The following PVR variants were observed in gnomAD, a reference collection of about 807,000 sequenced individuals.
PVR encodes the protein poliovirus receptor.
In PVR, 39 loss-of-function variants were observed where a neutral mutation model predicts 43.3. The ratio of observed to expected loss-of-function variants is 0.90; its 90% CI spans 0.70 to 1.18. PVR has a LOEUF of 1.18. PVR is among the 50% of genes most tolerant of loss of function. PVR has a pLI of 0.00. For missense variants in PVR, 480 were observed against 549.7 expected (o/e 0.87, Z 1.27); for synonymous variants, 224 against 233.2 (o/e 0.96, Z 0.36).
chr19:44,653,488 A>G (rs1316506759), intron 3 of PVR, among the ~76,000 whole-genome samples: 3 of 152,214 alleles, frequency 2.0e-5, no homozygotes, highest in Non-Finnish European at 4.4e-5. Flanking sequence ...TCAATCACGT[A>G]TGGGATGGCT....
At chr19:44,653,861 G>A (rs764526184) in intron 3 of PVR, 39 bp from the exon 4 acceptor site, 2 of 1,446,732 alleles carry the variant, frequency 1.4e-6, no homozygotes, top group South Asian at 2.3e-5. Context: ...GCCCCCCAAA[G>A]CCTCCCAGTC....
At chr19:44,653,582 G>A (rs960711423) in intron 3 of PVR, 1 of 254,284 alleles carries the variant, frequency 3.9e-6, no homozygotes, top group Non-Finnish European at 7.9e-6. Flanking sequence ...TGTGTTGTGA[G>A]TGGTCATTGC....
intron 2 of PVR, among the ~76,000 whole-genome samples, chr19:44,647,951 A>G (rs542497190): frequency 2.0e-5 from 3 of 152,070 alleles, no homozygotes; most frequent in Non-Finnish European, 4.4e-5. Context: ...TGACAACAGC[A>G]TCACCCTTGG....
At position 44,662,544 on chromosome 19, in the gene PVR, C is replaced by T. The variant is rs1169770794; in HGVS notation, c.*733C>T. On this transcript the variant is annotated 3_prime_UTR_variant, in exon 8 of 8. Coordinates refer to ENST00000425690, the MANE Select transcript of PVR (RefSeq NM_006505.5). Reference sequence around the variant, plus strand: ...GTGCTGAATTAAGCAGCTCACCATCCACACGGCTGACCTCATACATCAAGC... The same window carrying T: ...GTGCTGAATTAAGCAGCTCACCATCTACACGGCTGACCTCATACATCAAGC... 2 of 152,508 alleles carry T rather than the reference C, an allele frequency of 1.3e-5. No homozygotes were observed. The highest frequency in any genetic ancestry group is 2.9e-5 in the Non-Finnish European group (2 of 68,318). The allele number at this position is 152,508 out of a possible 1,614,324, so 9.4% of individuals were successfully genotyped here.
chr19:44,647,184 A>AC, intron 1 of PVR, 39 bp from the exon 2 acceptor site: 1 of 1,462,710 alleles, frequency 6.8e-7, no homozygotes. Flanking sequence ...TAGTCCAAGA[A>AC]CGCCCCGGGT....
At chr19:44,652,021 G>C (rs1973294570) in intron 3 of PVR, among the ~76,000 whole-genome samples, 1 of 152,124 alleles carries the variant, frequency 6.6e-6, no homozygotes, top group South Asian at 2.1e-4. Context: ...GCCAGGCACG[G>C]TGGCGGGTGC....
intron 2 of PVR, among the ~76,000 whole-genome samples, chr19:44,648,548 A>G (rs1400198410): frequency 6.6e-6 from 1 of 151,520 alleles, no homozygotes; most frequent in Non-Finnish European, 1.5e-5. Flanking sequence ...TGGTGTGATC[A>G]TAGTAGGTCC....
In PVR at chr19:44,662,116, G is replaced by T; in HGVS notation, c.*305G>T. The T allele has an allele frequency of 2.7e-6, 1 of 366,900 alleles. No individual in the cohort carries two copies. Among genetic ancestry groups the T allele is most frequent in the Non-Finnish European group, 5.1e-6 (1 of 196,258 alleles). The allele number at this position is 366,900 out of a possible 1,614,324, so 22.7% of individuals were successfully genotyped here. ...GGTGCACAGCACACGTTCCACGACAGATGAGGCGACGGCTTCCATCTGCCC... is the reference window on the plus strand; with the variant it reads ...GGTGCACAGCACACGTTCCACGACATATGAGGCGACGGCTTCCATCTGCCC... On this transcript the variant is annotated 3_prime_UTR_variant, in exon 8 of 8. Transcript: ENST00000425690.
chr19:44,651,676 C>T (rs1973283869), intron 3 of PVR, among the ~76,000 whole-genome samples: 1 of 152,206 alleles, frequency 6.6e-6, no homozygotes, highest in African/African-American at 2.4e-5. Flanking sequence ...CCCCTGACAG[C>T]ATCTGTCCTG....
chr19:44,659,687 G>A (rs10411273), intron 6 of PVR, among the ~76,000 whole-genome samples: 19,651 of 151,930 alleles, frequency 0.13, 2,227 homozygotes, highest in African/African-American at 0.31. Flanking sequence ...TCGCCATGTT[G>A]GCCAGGCTGG....
chr19:44,644,551 T>C (rs1973023231), intron 1 of PVR, among the ~76,000 whole-genome samples: 1 of 152,056 alleles, frequency 6.6e-6, no homozygotes, highest in Admixed American at 6.6e-5. Context: ...CCCAGGTTCC[T>C]GCTCAGCATA....
chr19:44,647,288 TGCTA>T lies in PVR; in HGVS notation c.146_149del (p.Cys49SerfsTer9). On this transcript the variant is annotated frameshift_variant, in exon 2 of 8. Transcript: ENST00000425690. LOFTEE classifies it high-confidence loss of function. ...CTTGGGCGACTCCGTGACGCTGCCCTGCTACCTACAGGTGCCCAACATGGAGGTG... is the reference window on the plus strand; with the variant it reads ...CTTGGGCGACTCCGTGACGCTGCCCTCCTACAGGTGCCCAACATGGAGGTG... 6.3e-7 allele frequency: 1 copy of T among 1,586,166 alleles called. No individual in the cohort carries two copies. Among genetic ancestry groups the T allele is most frequent in the Non-Finnish European group, 8.6e-7 (1 of 1,166,230 alleles).
chr19:44,653,622 C>T (rs1973343624), intron 3 of PVR: 1 of 351,610 alleles, frequency 2.8e-6, no homozygotes, highest in Non-Finnish European at 5.4e-6. Flanking sequence ...GAGGCATTTT[C>T]CTGCAGGACA....
At chr19:44,647,000 G>T (rs1973135140) in intron 1 of PVR, among the ~76,000 whole-genome samples, 1 of 152,216 alleles carries the variant, frequency 6.6e-6, no homozygotes. Context: ...CCAAAGTGAA[G>T]GAGCACGGCC....
Position 44,658,739 on chromosome 19 carries a change from C to T in PVR, c.992-3C>T, listed in dbSNP as rs772462740. The T allele has an allele frequency of 6.2e-7, 1 of 1,601,188 alleles. No homozygotes were observed. The highest frequency in any genetic ancestry group is 1.1e-5 in the South Asian group (1 of 90,310). Reference sequence around the variant, plus strand: ...CCTAAATACCTGTTTCCTTCTCTTTCAGAGGGACCTCCCAGTGAGCACTCA... The same window carrying T: ...CCTAAATACCTGTTTCCTTCTCTTTTAGAGGGACCTCCCAGTGAGCACTCA... On this transcript the variant is annotated splice_polypyrimidine_tract_variant and splice_region_variant and intron_variant, in intron 5 of 7. Coordinates refer to ENST00000425690, the MANE Select transcript of PVR (RefSeq NM_006505.5).
chr19:44,649,822 C>T lies in PVR; in HGVS notation c.441C>T (p.Asn147=), dbSNP rs1421830206. The T allele has an allele frequency of 5.0e-6, 8 of 1,613,758 alleles. No individual in the cohort carries two copies. Among genetic ancestry groups the T allele is most frequent in the African/African-American group, 2.7e-5 (2 of 74,926 alleles). The change falls in exon 3 of 8, where the codon AAC becomes AAT. Residue 147 remains asparagine, a synonymous_variant. Transcript: ENST00000425690. ...IWLRVLAKPQ[N]TAEVQKVQLT... is the part of the protein sequence containing the mutation. ...TCCTCTTCCCAGCCAAGCCCCAGAA[C>T]ACAGCTGAGGTTCAGAAGGTCCAGC...
chr19:44,645,836 GA>G (rs1973101230), intron 1 of PVR, among the ~76,000 whole-genome samples: 1 of 151,988 alleles, frequency 6.6e-6, no homozygotes, highest in Admixed American at 6.6e-5. Flanking sequence ...AAATAAAAAA[GA>G]ATGCATAGGA....
rs1422022579 is a variant in PVR at position 44,645,186 on chromosome 19, T to TA, written c.79+1011_79+1012insA. ...TGTATATTATATATTATATATATTA[T>TA]TATAATATATAATATGTATATTATA... On this transcript the variant is annotated intron_variant, in intron 1 of 7. Coordinates refer to ENST00000425690, the MANE Select transcript of PVR (RefSeq NM_006505.5). 1.9e-3 allele frequency among the ~76,000 whole-genome samples: 176 copies of TA among 94,202 alleles called. 11 individuals carry two copies. The highest frequency in any genetic ancestry group is 7.5e-3 in the African/African-American group (167 of 22,160). 61.8% of individuals were successfully genotyped at this position (94,202 alleles called of 152,430 possible). A position where few individuals can be genotyped will look rare whatever the true frequency, so the allele number is the denominator to read the frequency against.
chr19:44,660,482 A>C (rs1021500605), intron 6 of PVR, among the ~76,000 whole-genome samples: 9 of 152,140 alleles, frequency 5.9e-5, no homozygotes, highest in African/African-American at 2.2e-4. Context: ...TATTGTTATT[A>C]TTAACATAAA....
Sources: gnomAD v4.1 joint callset for allele counts (sites outside exome capture counted in the v4.1 genomes callset) on GRCh38, gnomAD v4.1.1 for gene constraint, MANE v1.5 for transcripts, NCBI Gene and HGNC (gene_info 2026-07-23, HGNC 2026-07-21) for gene names.